ARHGEF12: variants seen among roughly 807,000 people sequenced by gnomAD.
The protein encoded by ARHGEF12 is KMT2A/ARHGEF12 fusion protein.
A neutral mutation model predicts 211.2 loss-of-function variants in ARHGEF12; 66 were observed. That is an observed-to-expected ratio of 0.31 (90% confidence interval 0.26 to 0.38). The LOEUF (loss-of-function observed/expected upper bound fraction) is 0.38. Ranked by LOEUF, ARHGEF12 falls within the 10% of genes least tolerant of loss-of-function variation. The pLI is 1.00. For synonymous variants in ARHGEF12, 592 were observed against 638.4 expected, an observed-to-expected ratio of 0.93 and a Z score of 1.09; for missense variants, 1,429 against 1,869.5, an observed-to-expected ratio of 0.76 and a Z score of 4.34.
intron 10 of ARHGEF12, 43 bp from the exon 11 acceptor site, chr11:120,431,728 T>C (rs1433438426): frequency 1.3e-6 from 2 of 1,518,490 alleles, no homozygotes; most frequent in Admixed American, 2.2e-5. Flanking sequence ...AAAGTTTTCT[T>C]TTATGTGTTT....
intron 1 of ARHGEF12, among the ~76,000 whole-genome samples, chr11:120,370,221 C>T (rs1943552474): frequency 6.6e-6 from 1 of 152,042 alleles, no homozygotes; most frequent in East Asian, 1.9e-4. Context: ...GAGAATCAGT[C>T]GTCTAGCCCC....
chr11:120,473,283 C>T (rs1344714458), intron 31 of ARHGEF12, among the ~76,000 whole-genome samples, 156 bp downstream of exon 31: 1 of 152,116 alleles, frequency 6.6e-6, no homozygotes, highest in Non-Finnish European at 1.5e-5. Flanking sequence ...CTTTTAAATG[C>T]TTGATCTGTA....
At chr11:120,341,920 T>C (rs1005359024) in intron 1 of ARHGEF12, among the ~76,000 whole-genome samples, 2 of 152,226 alleles carry the variant, frequency 1.3e-5, no homozygotes, top group Admixed American at 6.5e-5. Flanking sequence ...AATACCATCA[T>C]GTAGGTAATG....
chr11:120,357,554 A>G (rs4936516), intron 1 of ARHGEF12, among the ~76,000 whole-genome samples: 2 of 152,154 alleles, frequency 1.3e-5, no homozygotes, highest in African/African-American at 4.8e-5. Flanking sequence ...GGATAGAGGA[A>G]CAATTCAGGT....
At chr11:120,467,431 T>TTA in intron 29 of ARHGEF12, 123 bp downstream of exon 29, 15 of 542,062 alleles carry the variant, frequency 2.8e-5, no homozygotes, top group Middle Eastern at 3.2e-4. Context: ...TGACAAGATT[T>TTA]TCTTTTTTTT....
intron 1 of ARHGEF12, among the ~76,000 whole-genome samples, chr11:120,340,517 C>G (rs550119652): frequency 2.0e-5 from 3 of 151,916 alleles, no homozygotes; most frequent in South Asian, 2.1e-4. Flanking sequence ...GTGTGGAAAC[C>G]TGTGACTTTA....
At chr11:120,401,014 C>T (rs961144367) in intron 1 of ARHGEF12, among the ~76,000 whole-genome samples, 2 of 152,168 alleles carry the variant, frequency 1.3e-5, no homozygotes, top group African/African-American at 2.4e-5. Context: ...TGAGTCATTC[C>T]GTCAGCTGTA....
At chr11:120,459,819 C>T (rs1946473521) in intron 26 of ARHGEF12, among the ~76,000 whole-genome samples, 2 of 152,134 alleles carry the variant, frequency 1.3e-5, no homozygotes, top group African/African-American at 4.8e-5. Flanking sequence ...AGGGATCCTC[C>T]CACCTCAGCC....
intron 1 of ARHGEF12, among the ~76,000 whole-genome samples, chr11:120,386,734 C>T (rs1944041872): frequency 6.6e-6 from 1 of 152,116 alleles, no homozygotes; most frequent in South Asian, 2.1e-4. Context: ...TACATTTAAT[C>T]CTCATAACAA....
At chr11:120,435,972 A>G (rs1180902459) in intron 11 of ARHGEF12, among the ~76,000 whole-genome samples, 1 of 152,218 alleles carries the variant, frequency 6.6e-6, no homozygotes, top group African/African-American at 2.4e-5. Context: ...TTCCCTTACT[A>G]GCTAATAGGT....
chr11:120,467,427 G>GA, intron 29 of ARHGEF12, 119 bp downstream of exon 29: 1 of 363,888 alleles, frequency 2.7e-6, no homozygotes, highest in Non-Finnish European at 4.9e-6. Context: ...AGTATGACAA[G>GA]ATTTTCTTTT....
chr11:120,346,826 C>T (rs1942742726), intron 1 of ARHGEF12, among the ~76,000 whole-genome samples: 1 of 152,026 alleles, frequency 6.6e-6, no homozygotes, highest in Non-Finnish European at 1.5e-5. Context: ...TGTTTTCTTT[C>T]CCCCCTTCTC....
chr11:120,365,154 A>G (rs1030898360), intron 1 of ARHGEF12, among the ~76,000 whole-genome samples: 3 of 152,064 alleles, frequency 2.0e-5, no homozygotes, highest in African/African-American at 7.2e-5. Context: ...CTTCACACTC[A>G]TATGTTGTTT....
At chr11:120,351,336 C>T (rs1443169853) in intron 1 of ARHGEF12, among the ~76,000 whole-genome samples, 11 of 51,210 alleles carry the variant, frequency 2.1e-4, no homozygotes, top group Non-Finnish European at 3.1e-4. Context: ...AGCAAGACTC[C>T]GTCTCAAAAA....
At chr11:120,476,462 AAGTACAATAAATAT>A (rs1226573881) in intron 33 of ARHGEF12, 185 bp from the exon 34 acceptor site, 16 of 401,246 alleles carry the variant, frequency 4.0e-5, no homozygotes, top group Non-Finnish European at 6.6e-5. Flanking sequence ...TGTTTTATTG[AAGTACAATAAATAT>A]AGTACAATAA....
At chr11:120,340,607 TA>T (rs547585881) in intron 1 of ARHGEF12, among the ~76,000 whole-genome samples, 158 of 148,450 alleles carry the variant, frequency 1.1e-3, no homozygotes, top group Middle Eastern at 0.01. Context: ...TGGTTTTGAT[TA>T]AAAAAAAAAG....
chr11:120,385,953 G>T (rs1944018694), intron 1 of ARHGEF12, among the ~76,000 whole-genome samples: 1 of 152,050 alleles, frequency 6.6e-6, no homozygotes, highest in Non-Finnish European at 1.5e-5. Context: ...GGATATAGGG[G>T]GTGGGGATTA....
intron 1 of ARHGEF12, among the ~76,000 whole-genome samples, chr11:120,348,849 AT>A (rs1413287879): frequency 6.6e-6 from 1 of 152,336 alleles, no homozygotes; most frequent in African/African-American, 2.4e-5. Flanking sequence ...CTCAAAAAAA[AT>A]AATAATAAAA....
chr11:120,483,641 G>A (rs916503519), intron 39 of ARHGEF12, among the ~76,000 whole-genome samples: 7 of 151,544 alleles, frequency 4.6e-5, no homozygotes, highest in African/African-American at 1.7e-4. Context: ...TTGAGACAGA[G>A]TCTTGCTCTG....
Sources: allele counts gnomAD v4.1 joint callset (sites outside exome capture counted in the v4.1 genomes callset), GRCh38; gene constraint gnomAD v4.1.1; transcripts MANE v1.5; gene names NCBI Gene and HGNC (gene_info 2026-07-23, HGNC 2026-07-21).